Variants in TWF2 observed in about 807,000 individuals in gnomAD.
The protein encoded by TWF2 is twinfilin actin binding protein 2.
A neutral mutation model predicts 45.1 loss-of-function variants in TWF2; 15 were observed. The ratio of observed to expected loss-of-function variants is 0.33; its 90% CI spans 0.22 to 0.51. TWF2 has a LOEUF of 0.51. TWF2 is among the 20% of genes least tolerant of loss of function. TWF2 has a pLI of 0.97. For missense variants in TWF2, 423 were observed against 469.1 expected (o/e 0.90, Z 0.91); for synonymous variants, 177 against 195.8 (o/e 0.90, Z 0.80).
At chr3:52,231,343 C>T in intron 4 of TWF2, 101 bp downstream of exon 4, 1 of 1,573,992 alleles carries the variant, frequency 6.4e-7, no homozygotes, top group Admixed American at 1.7e-5. Flanking sequence ...GCGCCCCCAT[C>T]TTCCTCCCGA....
intron 2 of TWF2, 135 bp from the exon 3 acceptor site, chr3:52,232,257 TC>T: frequency 8.7e-7 from 1 of 1,155,996 alleles, no homozygotes; most frequent in Non-Finnish European, 1.2e-6. Flanking sequence ...AGCCCCCAGG[TC>T]CCAGAAGTGT....
chr3:52,228,716 G>A lies in TWF2; in HGVS notation c.*318C>T. ...ACTGACCCCACTTCTTGTGGCCAAA[G>A]GTTTCTGGGCTGTGCTGGGACCCTA... On this transcript the variant is annotated 3_prime_UTR_variant, in exon 9 of 9. Coordinates refer to ENST00000305533, the MANE Select transcript of TWF2 (RefSeq NM_007284.4). The A allele has an allele frequency of 5.8e-6, 2 of 344,036 alleles. No homozygotes were observed. Among genetic ancestry groups the A allele is most frequent in the African/African-American group, 2.1e-5 (1 of 47,296 alleles). 21.3% of individuals were successfully genotyped at this position (344,036 alleles called of 1,614,324 possible). A position where few individuals can be genotyped will look rare whatever the true frequency, so the allele number is the denominator to read the frequency against.
chr3:52,233,557 C>T (rs1366262123), intron 2 of TWF2, among the ~76,000 whole-genome samples: 1 of 152,250 alleles, frequency 6.6e-6, no homozygotes, highest in Admixed American at 6.5e-5. Context: ...CTGGACCCTC[C>T]TGGGCAGTCC....
In TWF2 at chr3:52,232,068, T is replaced by C. The variant is rs765439059; in HGVS notation, c.158A>G (p.Tyr53Cys). 7 of 1,613,464 alleles carry C rather than the reference T, an allele frequency of 4.3e-6. No homozygotes were observed. The highest frequency in any genetic ancestry group is 3.3e-5 in the South Asian group (3 of 91,082). ...CAGCAGTGGCAGCACGGCCCTGTCATAGTCCTGATCCCAGCGGCCTACTGG... is the reference window on the plus strand; with the variant it reads ...CAGCAGTGGCAGCACGGCCCTGTCACAGTCCTGATCCCAGCGGCCTACTGG... ...QEPVGRWDQD[Y>C]DRAVLPLLDA... Residue 53 changes from tyrosine (Y) to cysteine (C), a missense_variant, in exon 3 of 9, where the codon TAT becomes TGT. Transcript: ENST00000305533.
chr3:52,236,772 G>A (rs934583634), intron 1 of TWF2, among the ~76,000 whole-genome samples: 1 of 152,116 alleles, frequency 6.6e-6, no homozygotes, highest in Non-Finnish European at 1.5e-5. Context: ...CAGACCCTTA[G>A]GGCTCAGAGA....
At chr3:52,230,100 C>T (rs755537886) in intron 6 of TWF2, 30 bp from the exon 7 acceptor site, 1 of 1,544,242 alleles carries the variant, frequency 6.5e-7, no homozygotes. Flanking sequence ...GATGGGAGAG[C>T]ACCAGGTCGG....
At chr3:52,231,823 C>T (rs1236911521) in intron 3 of TWF2, 121 bp downstream of exon 3, 4 of 1,420,304 alleles carry the variant, frequency 2.8e-6, no homozygotes, top group African/African-American at 2.9e-5. Context: ...CACGGCCTGA[C>T]AGCTCTTCCC....
chr3:52,229,134 T>A lies in TWF2; in HGVS notation c.950A>T (p.His317Leu), dbSNP rs1170950787. The A allele has an allele frequency of 6.2e-7, 1 of 1,613,636 alleles. No individual in the cohort carries two copies. The highest frequency in any genetic ancestry group is 8.5e-7 in the Non-Finnish European group (1 of 1,180,016). Residue 317 changes from histidine (H) to leucine (L), a missense_variant, in exon 9 of 9, where the codon CAC becomes CTC. By Grantham distance (99) the His-to-Leu change is moderately conservative. Transcript: ENST00000305533. ...FLYDEVHPKQ[H>L]AFKQAFAKPK... ...CTTGGCGAAGGCCTGCTTGAAGGCG[T>A]GTTGCTTGGGGTGCACCTCGTCGTA...
chr3:52,231,193 C>A lies in TWF2; in HGVS notation c.417G>T (p.Ser139=), dbSNP rs377702415. The change falls in exon 5 of 9, where the codon TCG becomes TCT. Residue 139 remains serine, a synonymous_variant. Coordinates refer to ENST00000305533, the MANE Select transcript of TWF2 (RefSeq NM_007284.4). ...TCAGCGGGGCAGGTGCCGCACAGGA[C>A]GACAGGTGTTTCTGGTACCCAGCAA... ...LSFAGYQKHL[S]SCAAPAPLTS... 2 of 1,613,914 alleles carry A rather than the reference C, an allele frequency of 1.2e-6. No individual in the cohort carries two copies. The highest frequency in any genetic ancestry group is 2.7e-5 in the African/African-American group (2 of 74,886).
chr3:52,235,887 C>G (rs887058469), intron 1 of TWF2, among the ~76,000 whole-genome samples: 9 of 152,282 alleles, frequency 5.9e-5, no homozygotes, highest in African/African-American at 2.2e-4. Flanking sequence ...CCTGAGACCC[C>G]GAGGAGCCAC....
At chr3:52,232,361 C>T (rs1577986107) in intron 2 of TWF2, 5 of 571,462 alleles carry the variant, frequency 8.7e-6, no homozygotes, top group Non-Finnish European at 1.2e-5. Flanking sequence ...TGCACACACC[C>T]CCCCACACAC....
At position 52,232,181 on chromosome 3, in the gene TWF2, G is replaced by A. The variant is rs1359915869; in HGVS notation, c.104-59C>T. The A allele has an allele frequency of 6.2e-6, 9 of 1,461,264 alleles. No homozygotes were observed. The East Asian group carries it at 1.0e-4, about 16-fold the overall frequency. The allele number at this position is 1,461,264 out of a possible 1,614,324, so 90.5% of individuals were successfully genotyped here. A position where few individuals can be genotyped will look rare whatever the true frequency, so the allele number is the denominator to read the frequency against. On this transcript the variant is annotated intron_variant, in intron 2 of 8. Coordinates refer to ENST00000305533, the MANE Select transcript of TWF2 (RefSeq NM_007284.4). ...AGCTCCCACTGCGCCTCCCGCTGCA[G>A]ACCTCCAGCCTCGCCGTGGCTGCCC... is the stretch of plus-strand genomic sequence containing the variant.
chr3:52,234,250 G>A (rs546406765), intron 2 of TWF2, among the ~76,000 whole-genome samples: 1 of 152,280 alleles, frequency 6.6e-6, no homozygotes, highest in Non-Finnish European at 1.5e-5. Context: ...TGGCTAATGA[G>A]AAGAGCTGGG....
chr3:52,238,900 G>A, intron 1 of TWF2, 92 bp downstream of exon 1: 1 of 1,481,068 alleles, frequency 6.8e-7, no homozygotes, highest in Non-Finnish European at 9.0e-7. Context: ...TCTCCCGGCT[G>A]GTGTGGGGTG....
chr3:52,230,400 G>A (rs1236826877), intron 6 of TWF2, among the ~76,000 whole-genome samples: 1 of 152,256 alleles, frequency 6.6e-6, no homozygotes, highest in African/African-American at 2.4e-5. Context: ...ATCCTCAGAG[G>A]CAAGGCCTCT....
Position 52,229,202 on chromosome 3 carries a change from C to T in TWF2, c.883-1G>A. 6.2e-7 allele frequency: 1 copy of T among 1,610,436 alleles called. No homozygotes were observed. The highest frequency in any genetic ancestry group is 8.5e-7 in the Non-Finnish European group (1 of 1,179,910). On this transcript the variant is annotated splice_acceptor_variant, in intron 8 of 8. Transcript: ENST00000305533. LOFTEE classifies it high-confidence loss of function. ...GCTCTGCCCCATCGCCAATCTCAATCTGCATGGGGCAAGGCAGTGGTCACC... is the reference window on the plus strand; with the variant it reads ...GCTCTGCCCCATCGCCAATCTCAATTTGCATGGGGCAAGGCAGTGGTCACC...
chr3:52,235,170 C>A, intron 1 of TWF2, 64 bp from the exon 2 acceptor site: 1 of 1,533,536 alleles, frequency 6.5e-7, no homozygotes, highest in Non-Finnish European at 9.0e-7. Context: ...AGTATGGGGC[C>A]TGCTCTGTCC....
intron 1 of TWF2, among the ~76,000 whole-genome samples, chr3:52,237,689 C>T (rs1476140277): frequency 6.6e-6 from 1 of 152,214 alleles, no homozygotes; most frequent in African/African-American, 2.4e-5. Context: ...TCCTGTGGGG[C>T]TGAGTCATGA....
chr3:52,231,561 G>A (rs534600166), intron 3 of TWF2, 22 bp from the exon 4 acceptor site: 65 of 1,605,138 alleles, frequency 4.0e-5, no homozygotes, highest in Admixed American at 5.1e-5. Flanking sequence ...GGGCCAAACC[G>A]TAAGAGGCCT....
Sources: gnomAD v4.1 joint callset for allele counts (sites outside exome capture counted in the v4.1 genomes callset) on GRCh38, gnomAD v4.1.1 for gene constraint, MANE v1.5 for transcripts, NCBI Gene and HGNC (gene_info 2026-07-23, HGNC 2026-07-21) for gene names.